ENTHD1: variants seen among roughly 807,000 people sequenced by gnomAD.
The protein encoded by ENTHD1 is ENTH domain-containing protein 1.
In ENTHD1, 23 loss-of-function variants were observed where a neutral mutation model predicts 39.1. The observed-to-expected ratio is 0.59, with a 90% CI of 0.42 to 0.83. The LOEUF (loss-of-function observed/expected upper bound fraction) is 0.83, where lower values mean the gene tolerates loss of function less well. Among genes scored for constraint, ENTHD1 ranks in the 40% least tolerant of loss-of-function variants. The probability of loss-of-function intolerance (pLI) is 0.00; values close to 1 mark genes in which losing one functional copy is unlikely to be tolerated. For missense variants in ENTHD1, 624 were observed against 705.4 expected (o/e 0.88, Z 1.31); for synonymous variants, 230 against 258.2 (o/e 0.89, Z 1.05).
intron 5 of ENTHD1, among the ~76,000 whole-genome samples, chr22:39,769,311 A>G (rs1459679285): frequency 6.6e-6 from 1 of 152,216 alleles, no homozygotes; most frequent in African/African-American, 2.4e-5. Flanking sequence ...AGTGATTTAA[A>G]GAAGCACAAA....
intron 3 of ENTHD1, among the ~76,000 whole-genome samples, chr22:39,842,568 A>T (rs559001528): frequency 3.9e-5 from 6 of 152,300 alleles, no homozygotes; most frequent in Non-Finnish European, 8.8e-5. Flanking sequence ...TCATGTCTAA[A>T]ACACCAAAAG....
chr22:39,884,410 C>A (rs543248101), intron 2 of ENTHD1, among the ~76,000 whole-genome samples: 1 of 152,176 alleles, frequency 6.6e-6, no homozygotes, highest in Admixed American at 6.5e-5. Context: ...GACCTCCTGG[C>A]CTCAAGTGAT....
chr22:39,847,271 CA>C (rs1230231401), intron 3 of ENTHD1, among the ~76,000 whole-genome samples: 1 of 146,518 alleles, frequency 6.8e-6, no homozygotes, highest in African/African-American at 2.5e-5. Flanking sequence ...ATCGCAAGGA[CA>C]AAAAACCAAA....
chr22:39,831,357 TGGGTGTCA>T (rs2065867579), intron 4 of ENTHD1, among the ~76,000 whole-genome samples: 1 of 152,088 alleles, frequency 6.6e-6, no homozygotes, highest in Admixed American at 6.6e-5. Flanking sequence ...TGAATAGTTC[TGGGTGTCA>T]GGAGGAGGCA....
At chr22:39,877,411 C>A (rs1053435143) in intron 2 of ENTHD1, among the ~76,000 whole-genome samples, 1 of 152,198 alleles carries the variant, frequency 6.6e-6, no homozygotes, top group African/African-American at 2.4e-5. Context: ...ACAGAAAAAT[C>A]AACTCTTCTT....
At chr22:39,790,678 C>A (rs1308888728) in intron 5 of ENTHD1, among the ~76,000 whole-genome samples, 1 of 152,166 alleles carries the variant, frequency 6.6e-6, no homozygotes, top group Non-Finnish European at 1.5e-5. Flanking sequence ...CTGGTCAGAT[C>A]GTCTGTTTCC....
intron 5 of ENTHD1, among the ~76,000 whole-genome samples, chr22:39,773,570 A>G (rs1418472022): frequency 1.3e-5 from 2 of 152,230 alleles, no homozygotes; most frequent in Admixed American, 1.3e-4. Flanking sequence ...AAGCATGTAC[A>G]GTTTATTGAA....
rs2066188830 is a variant in ENTHD1 at position 39,867,103 on chromosome 22, C to G, written c.350-5096G>C. ...CATTTTTAGTAGAGACGGGGTTTCA[C>G]CGTGTTAGCCAGGATGGTCTTGATC... On this transcript the variant is annotated intron_variant, in intron 2 of 6. Transcript: ENST00000325157. This position sits in a 1 kb window ranked among gnomAD's most constrained non-coding sequence, Gnocchi z 4.5. 6.6e-6 allele frequency among the ~76,000 whole-genome samples: 1 copy of G among 152,118 alleles called. No homozygotes were observed. Among genetic ancestry groups the G allele is most frequent in the Non-Finnish European group, 1.5e-5 (1 of 68,024 alleles).
At chr22:39,876,214 T>C (rs1377452496) in intron 2 of ENTHD1, 7 of 1,283,478 alleles carry the variant, frequency 5.5e-6, no homozygotes, top group African/African-American at 1.5e-5. Context: ...ATTTGAAATA[T>C]GTAAGAATTG....
rs188362012 is a variant in ENTHD1, at chr22:39,887,678, G to A, written c.71C>T (p.Ala24Val). ...YSDAEIKVRE[A>V]TSNDPWGPSS... ...GGGACCCCAAGGGTCGTTAGAAGTT[G>A]CTTCCCTGACTTTTATTTCAGCATC... Residue 24 changes from alanine (A) to valine (V), a missense_variant, in exon 2 of 7, where the codon GCA becomes GTA. Transcript: ENST00000325157. The A allele has an allele frequency of 1.2e-6, 2 of 1,602,456 alleles. No individual in the cohort carries two copies.
intron 2 of ENTHD1, among the ~76,000 whole-genome samples, chr22:39,883,639 T>C (rs2146770474): frequency 6.6e-6 from 1 of 152,112 alleles, no homozygotes; most frequent in African/African-American, 2.4e-5. Flanking sequence ...ATCTAGTATA[T>C]AGATCAATAT....
Position 39,887,683 on chromosome 22 carries a change from C to T in ENTHD1, c.66G>A (p.Arg22=). The change falls in exon 2 of 7, where the codon AGG becomes AGA. Residue 22 remains arginine (R), a synonymous_variant. Transcript: ENST00000325157. ...CCCAAGGGTCGTTAGAAGTTGCTTC[C>T]CTGACTTTTATTTCAGCATCTGAGT... is the stretch of plus-strand genomic sequence containing the variant. ...KNYSDAEIKV[R]EATSNDPWGP... The T allele has an allele frequency of 6.3e-7, 1 of 1,599,824 alleles. No homozygotes were observed. The highest frequency in any genetic ancestry group is 1.1e-5 in the South Asian group (1 of 88,440).
intron 5 of ENTHD1, among the ~76,000 whole-genome samples, chr22:39,789,962 T>C (rs1025659178): frequency 6.6e-6 from 1 of 151,848 alleles, no homozygotes; most frequent in African/African-American, 2.4e-5. Context: ...ATCATGTGGA[T>C]CAGTGGAGGG....
intron 3 of ENTHD1, among the ~76,000 whole-genome samples, chr22:39,841,101 A>C (rs1338594586): frequency 6.6e-6 from 1 of 152,138 alleles, no homozygotes; most frequent in Non-Finnish European, 1.5e-5. Context: ...ATTTTGTAAT[A>C]ATTTTAAGCT....
intron 3 of ENTHD1, among the ~76,000 whole-genome samples, chr22:39,839,990 T>C (rs1424181677): frequency 2.6e-5 from 4 of 152,192 alleles, no homozygotes; most frequent in African/African-American, 9.7e-5. Context: ...CTCATTAAAT[T>C]TTTCTTTCAG....
chr22:39,853,862 A>G (rs2066063958), intron 3 of ENTHD1, among the ~76,000 whole-genome samples: 1 of 152,232 alleles, frequency 6.6e-6, no homozygotes, highest in South Asian at 2.1e-4. Context: ...GGCATGAGCC[A>G]CTGTGCCTGG....
chr22:39,751,938 A>T (rs1016765020), intron 6 of ENTHD1, among the ~76,000 whole-genome samples: 1 of 152,166 alleles, frequency 6.6e-6, no homozygotes, highest in African/African-American at 2.4e-5. Flanking sequence ...TGTATAATAC[A>T]TGAGCCTTAA....
intron 3 of ENTHD1, among the ~76,000 whole-genome samples, chr22:39,853,840 G>A (rs1043214939): frequency 6.6e-6 from 1 of 152,196 alleles, no homozygotes; most frequent in African/African-American, 2.4e-5. Context: ...CTCCCAAAGT[G>A]CTGGGATTGC....
At chr22:39,817,682 T>C (rs1569152994) in intron 5 of ENTHD1, among the ~76,000 whole-genome samples, 1 of 151,924 alleles carries the variant, frequency 6.6e-6, no homozygotes, top group Non-Finnish European at 1.5e-5. Context: ...TATTCACTTA[T>C]ATAATTTTAA....
Sources: allele counts gnomAD v4.1 joint callset (sites outside exome capture counted in the v4.1 genomes callset), GRCh38; gene constraint gnomAD v4.1.1; non-coding constraint Gnocchi (gnomAD v3.1); transcripts MANE v1.5; gene names NCBI Gene and HGNC (gene_info 2026-07-23, HGNC 2026-07-21).